The following STEAP2 variants were observed in gnomAD, a reference collection of about 807,000 sequenced individuals.
STEAP2 encodes the protein metalloreductase STEAP2.
Under a neutral mutation model 46.4 loss-of-function variants are expected in STEAP2, and 30 were observed. That is an observed-to-expected ratio of 0.65 (90% CI 0.48 to 0.88). STEAP2 has a LOEUF of 0.88. STEAP2 is among the 40% of genes least tolerant of loss of function. The pLI is 0.00. For synonymous variants in STEAP2, 180 were observed against 200.5 expected (o/e 0.90, Z 0.86); for missense variants, 513 against 579.3 (o/e 0.89, Z 1.18).
Position 90,225,250 on chromosome 7 carries a change from G to C in STEAP2, c.168G>C (p.Val56=), listed in dbSNP as rs1486039730. 6.2e-7 allele frequency: 1 copy of C among 1,613,960 alleles called. No individual in the cohort carries two copies. The highest frequency in any genetic ancestry group is 1.7e-5 in the Admixed American group (1 of 59,962). ...TIRLIRCGYH[V]VIGSRNPKFA... is the part of the protein sequence containing the mutation. ...GACTTATTAGATGCGGCTATCATGT[G>C]GTCATAGGAAGTAGAAATCCTAAGT... The change falls in exon 3 of 6, where the codon GTG becomes GTC. Residue 56 remains valine, a synonymous_variant. Transcript: ENST00000394621.
At chr7:90,219,871 G>A (rs1289208077) in intron 2 of STEAP2, among the ~76,000 whole-genome samples, 1 of 152,120 alleles carries the variant, frequency 6.6e-6, no homozygotes, top group African/African-American at 2.4e-5. Context: ...GACTTCAGGT[G>A]TGTACCACCA....
chr7:90,235,449 C>T lies in STEAP2; in HGVS notation c.*2825C>T, dbSNP rs1795930422. The T allele has an allele frequency of 1.0e-6, 1 of 984,184 alleles. No homozygotes were observed. The highest frequency in any genetic ancestry group is 1.2e-6 in the Non-Finnish European group (1 of 829,472). 61.0% of individuals were successfully genotyped at this position (984,184 alleles called of 1,614,324 possible). ...TTTTATAATCATTATTTTTCTGAAC[C>T]ATTCTTCTGGCCTCAGAAGTAGGAC... On this transcript the variant is annotated 3_prime_UTR_variant, in exon 6 of 6. Transcript: ENST00000394621.
chr7:90,228,697 G>A (rs1795607681), intron 4 of STEAP2, among the ~76,000 whole-genome samples: 1 of 152,162 alleles, frequency 6.6e-6, no homozygotes, highest in African/African-American at 2.4e-5. Flanking sequence ...TTCATGAGAA[G>A]AGGGATCTTT....
intron 1 of STEAP2, among the ~76,000 whole-genome samples, chr7:90,214,274 A>G (rs1409408154): frequency 1.3e-5 from 2 of 152,090 alleles, no homozygotes; most frequent in African/African-American, 2.4e-5. Context: ...ATGACTCCCA[A>G]TTTTCTGATT....
In STEAP2 at chr7:90,233,557, C is replaced by T. The variant is rs1353583609; in HGVS notation, c.*933C>T. On this transcript the variant is annotated 3_prime_UTR_variant, in exon 6 of 6. Coordinates refer to ENST00000394621, the MANE Select transcript of STEAP2 (RefSeq NM_001244944.2). Reference sequence around the variant, plus strand: ...CTTTGAGGGATTCTGATGTGCTAGGCATGGTTCTAAGTACTTTACTTGTAT... The same window carrying T: ...CTTTGAGGGATTCTGATGTGCTAGGTATGGTTCTAAGTACTTTACTTGTAT... The T allele has an allele frequency of 1.0e-6, 1 of 976,568 alleles. No individual in the cohort carries two copies. The highest frequency in any genetic ancestry group is 1.1e-4 in the East Asian group (1 of 8,786). The allele number at this position is 976,568 out of a possible 1,614,324, so 60.5% of individuals were successfully genotyped here. A position where few individuals can be genotyped will look rare whatever the true frequency, so the allele number is the denominator to read the frequency against.
At chr7:90,221,532 C>A (rs781175046) in intron 2 of STEAP2, among the ~76,000 whole-genome samples, 1 of 151,932 alleles carries the variant, frequency 6.6e-6, no homozygotes, top group Non-Finnish European at 1.5e-5. Context: ...TTTCTTGTAC[C>A]CAGCATATAC....
intron 2 of STEAP2, among the ~76,000 whole-genome samples, chr7:90,218,588 A>G (rs763090703): frequency 6.6e-6 from 1 of 151,542 alleles, no homozygotes; most frequent in Non-Finnish European, 1.5e-5. Context: ...AAATGTGTGG[A>G]TTTTTTTTGT....
At chr7:90,243,057 A>G (rs1211626461), downstream of STEAP2, among the ~76,000 whole-genome samples, 1 of 152,218 alleles carries the variant, frequency 6.6e-6, no homozygotes, top group African/African-American at 2.4e-5. Flanking sequence ...AATGACTAGA[A>G]GTGTGGAAAC....
chr7:90,222,346 C>T (rs1269383181), intron 2 of STEAP2, among the ~76,000 whole-genome samples: 1 of 152,084 alleles, frequency 6.6e-6, no homozygotes, highest in Non-Finnish European at 1.5e-5. Flanking sequence ...GGATCGGGTG[C>T]TCCTAGGTAA....
intron 2 of STEAP2, among the ~76,000 whole-genome samples, chr7:90,224,685 G>C (rs890033421): frequency 6.6e-6 from 1 of 152,282 alleles, no homozygotes; most frequent in Non-Finnish European, 1.5e-5. Context: ...ACCAGCATTG[G>C]TATTGCTTTC....
chr7:90,227,026 G>A lies in STEAP2; in HGVS notation c.548G>A (p.Arg183His), dbSNP rs754223269. 1.9e-5 allele frequency: 31 copies of A among 1,611,476 alleles called. No individual in the cohort carries two copies. The highest frequency in any genetic ancestry group is 1.6e-4 in the Middle Eastern group (1 of 6,066). Residue 183 changes from arginine to histidine, a missense_variant, in exon 4 of 6, where the codon CGC becomes CAC. Arg to His is a conservative substitution (Grantham distance 29). Coordinates refer to ENST00000394621, the MANE Select transcript of STEAP2 (RefSeq NM_001244944.2). ...CGACAACAGGTTATTGAACTTGCCC[G>A]CCAGTTGAATTTCATTCCCATTGAC... is the stretch of plus-strand genomic sequence containing the variant. Reference protein sequence around the residue: ...QARQQVIELARQLNFIPIDLG... With the variant: ...QARQQVIELAHQLNFIPIDLG...
chr7:90,229,180 C>T (rs753953749), intron 4 of STEAP2, among the ~76,000 whole-genome samples: 1 of 152,016 alleles, frequency 6.6e-6, no homozygotes. Context: ...CAGAGTTCAC[C>T]GTCTGACTTG....
downstream of STEAP2, among the ~76,000 whole-genome samples, chr7:90,241,024 T>G (rs1490282203): frequency 6.6e-6 from 1 of 152,234 alleles, no homozygotes; most frequent in East Asian, 1.9e-4. Context: ...TTAATCTTTG[T>G]GCACTTACCA....
chr7:90,235,285 GAAT>G lies in STEAP2; in HGVS notation c.*2665_*2667del, dbSNP rs1795923468. ...TCTTCTTTTCAGTACTACAAAAACA[GAAT>G]AATTTTGAAGTTTTAGAATAAATGT... is the stretch of plus-strand genomic sequence containing the variant. On this transcript the variant is annotated 3_prime_UTR_variant, in exon 6 of 6. Transcript: ENST00000394621. The G allele has an allele frequency of 1.0e-6, 1 of 971,788 alleles. No homozygotes were observed. Among genetic ancestry groups the G allele is most frequent in the Non-Finnish European group, 1.2e-6 (1 of 817,560 alleles). The allele number at this position is 971,788 out of a possible 1,614,324, so 60.2% of individuals were successfully genotyped here. A position where few individuals can be genotyped will look rare whatever the true frequency, so the allele number is the denominator to read the frequency against.
rs1173156673 is a variant in STEAP2, at chr7:90,237,329, A to G, written c.*4705A>G. ...CCATTTAACACTGTCTGAATTAACT[A>G]GACTGCAATAATTCTTTCTTTTGAA... is the stretch of plus-strand genomic sequence containing the variant. On this transcript the variant is annotated 3_prime_UTR_variant, in exon 6 of 6. Coordinates refer to ENST00000394621, the MANE Select transcript of STEAP2 (RefSeq NM_001244944.2). The G allele has an allele frequency of 5.4e-6, 1 of 183,710 alleles. No homozygotes were observed. Among genetic ancestry groups the G allele is most frequent in the Non-Finnish European group, 1.1e-5 (1 of 89,330 alleles). 11.4% of individuals were successfully genotyped at this position (183,710 alleles called of 1,614,324 possible).
chr7:90,238,360 A>G (rs7810796), downstream of STEAP2, among the ~76,000 whole-genome samples: 1,215 of 152,362 alleles, frequency 8.0e-3, 12 homozygotes, highest in South Asian at 0.012. Flanking sequence ...TTGCAGACAA[A>G]CAATAAATTA....
chr7:90,237,120 C>T lies in STEAP2; in HGVS notation c.*4496C>T, dbSNP rs1795988899. ...GCTGGGATTGTGGATATAACAGGAG[C>T]CCTGGCAGCTGTCTCCAGAGGATCA... On this transcript the variant is annotated 3_prime_UTR_variant, in exon 6 of 6. Transcript: ENST00000394621. 3.0e-6 allele frequency: 2 copies of T among 672,720 alleles called. No homozygotes were observed. Among genetic ancestry groups the T allele is most frequent in the African/African-American group, 1.9e-5 (1 of 54,022 alleles). The allele number at this position is 672,720 out of a possible 1,614,324, so 41.7% of individuals were successfully genotyped here.
chr7:90,222,750 G>C (rs1347313010), intron 2 of STEAP2, among the ~76,000 whole-genome samples: 2 of 152,122 alleles, frequency 1.3e-5, no homozygotes, highest in Admixed American at 1.3e-4. Context: ...TTAACATACT[G>C]ATGTATTTGG....
rs143162174 is a variant in STEAP2, at chr7:90,232,535, A to T, written c.1384A>T (p.Lys462Ter). The change falls in exon 6 of 6, where the codon AAA (lysine) becomes TAA (stop). Residue 462 changes from lysine to a stop codon, truncating the protein, a stop_gained. Transcript: ENST00000394621. LOFTEE classifies it high-confidence loss of function. ...TATAAGCCGAAAGCTAAAACGAATT[A>T]AAAAAGGCTGGGAAAAGAGCCAATT... is the stretch of plus-strand genomic sequence containing the variant. Reference protein sequence around the residue: ...PCISRKLKRIKKGWEKSQFLE... With the variant: ...PCISRKLKRI 4.4e-4 allele frequency: 702 copies of T among 1,612,878 alleles called. 1 individual carries two copies. The highest frequency in any genetic ancestry group is 5.7e-4 in the Non-Finnish European group (668 of 1,179,174).
Sources: allele counts gnomAD v4.1 joint callset (sites outside exome capture counted in the v4.1 genomes callset), GRCh38; gene constraint gnomAD v4.1.1; transcripts MANE v1.5; gene names NCBI Gene and HGNC (gene_info 2026-07-23, HGNC 2026-07-21).